The following EDA variants were observed in gnomAD, a reference collection of about 807,000 sequenced individuals.
EDA encodes ectodysplasin A.
In EDA, 2 loss-of-function variants were observed where a neutral mutation model predicts 23.6. The observed-to-expected ratio is 0.08, with a 90% CI of 0.03 to 0.27. The LOEUF is 0.27. Ranked by LOEUF, EDA falls within the 10% of genes least tolerant of loss-of-function variation. EDA has a pLI of 1.00. For missense variants in EDA, 229 were observed against 324.2 expected, an observed-to-expected ratio of 0.71 and a Z score of 2.26; for synonymous variants, 131 against 132.0, an observed-to-expected ratio of 0.99 and a Z score of 0.05.
intron 1 of EDA, among the ~76,000 whole-genome samples, chrX:69,766,326 G>A (rs2014468886): frequency 9.1e-6 from 1 of 110,415 alleles, no homozygotes; most frequent in South Asian, 3.9e-4. Context: ...ACATATGCAG[G>A]TTTGTTATAT....
chrX:69,796,132 A>G (rs1291740063), intron 1 of EDA, among the ~76,000 whole-genome samples: 1 of 111,878 alleles, frequency 8.9e-6, no homozygotes, highest in Non-Finnish European at 1.9e-5. Flanking sequence ...ATTGCTCTAG[A>G]CCCAGAGGGT....
intron 1 of EDA, among the ~76,000 whole-genome samples, chrX:69,663,342 C>T (rs1933575458): frequency 1.8e-5 from 2 of 112,244 alleles, no homozygotes; most frequent in African/African-American, 6.5e-5. Context: ...GTCCCAGCTG[C>T]TTCAGCTGTG....
At chrX:69,693,519 A>T (rs1198975717) in intron 1 of EDA, among the ~76,000 whole-genome samples, 2 of 111,609 alleles carry the variant, frequency 1.8e-5, no homozygotes, top group Non-Finnish European at 3.8e-5. Context: ...CTCTGACACA[A>T]TACCTCTGAT....
chrX:69,938,362 T>C (rs1339320040), intron 1 of EDA, among the ~76,000 whole-genome samples: 3 of 112,497 alleles, frequency 2.7e-5, no homozygotes, highest in Non-Finnish European at 5.6e-5. Flanking sequence ...TGATAGATGA[T>C]GTTGAGTACC....
At chrX:69,696,363 A>G (rs2011346331) in intron 1 of EDA, among the ~76,000 whole-genome samples, 2 of 111,989 alleles carry the variant, frequency 1.8e-5, no homozygotes, top group Non-Finnish European at 1.9e-5. Context: ...AAAACTTGTG[A>G]ATAATTTCCT....
chrX:69,639,592 C>T (rs1932817477), intron 1 of EDA, among the ~76,000 whole-genome samples: 1 of 111,406 alleles, frequency 9.0e-6, no homozygotes, highest in East Asian at 2.8e-4. Flanking sequence ...AGTCCTTTGT[C>T]CATTTTTTAA....
At chrX:70,027,830 AAAGT>A in intron 3 of EDA, 23 bp from the exon 4 acceptor site, 1 of 700,125 alleles carries the variant, frequency 1.4e-6, no homozygotes, top group Non-Finnish European at 2.2e-6. Flanking sequence ...CTCAAAAAAA[AAAGT>A]AACACTGAAT....
intron 1 of EDA, among the ~76,000 whole-genome samples, chrX:69,816,727 G>T (rs1157569380): frequency 1.8e-5 from 2 of 110,415 alleles, no homozygotes; most frequent in African/African-American, 6.6e-5. Context: ...ATGACTGATT[G>T]GGGTACCTGA....
chrX:69,938,233 C>T (rs946169544), intron 1 of EDA, among the ~76,000 whole-genome samples: 7 of 110,980 alleles, frequency 6.3e-5, no homozygotes, highest in Admixed American at 2.9e-4. Context: ...TGCACCACAC[C>T]GTGGTGCGCT....
At chrX:69,718,815 A>C (rs2012453223) in intron 1 of EDA, among the ~76,000 whole-genome samples, 1 of 111,598 alleles carries the variant, frequency 9.0e-6, no homozygotes, top group African/African-American at 3.2e-5. Context: ...TACCCTTATA[A>C]AATGAGTTAG....
At chrX:69,701,984 G>T (rs2011546730) in intron 1 of EDA, among the ~76,000 whole-genome samples, 1 of 111,089 alleles carries the variant, frequency 9.0e-6, no homozygotes, top group Admixed American at 9.5e-5. Context: ...CGGTCTTCTG[G>T]GGTGAGGGTG....
At chrX:70,020,495 T>C (rs1326356642) in intron 2 of EDA, among the ~76,000 whole-genome samples, 1 of 109,383 alleles carries the variant, frequency 9.1e-6, no homozygotes, top group Non-Finnish European at 1.9e-5. Flanking sequence ...GGAGGCAGAG[T>C]TTGCAGTGAG....
intron 1 of EDA, among the ~76,000 whole-genome samples, chrX:69,620,170 G>A (rs763836247): frequency 8.9e-6 from 1 of 112,164 alleles, no homozygotes; most frequent in East Asian, 2.8e-4. Context: ...TAGAAAGCCT[G>A]CTGTGCCAGA....
At position 69,829,661 on chromosome X, in the gene EDA, CATT is replaced by C. The variant is rs200855847; in HGVS notation, c.397-127363_397-127361del. Among the ~76,000 whole-genome samples the C allele has an allele frequency of 1.3e-3, 149 of 111,910 alleles. 3 individuals are homozygous for C. The East Asian group carries it at 0.037, about 28-fold the overall frequency. On this transcript the variant is annotated intron_variant, in intron 1 of 7. Transcript: ENST00000374552. ...GGATCAGAAATGGAATCACCTGAGA[CATT>C]ATGGTAGCACCTGCTTCTGAAACCA...
intron 1 of EDA, among the ~76,000 whole-genome samples, chrX:69,844,928 ATTTG>A (rs1453472523): frequency 2.6e-4 from 29 of 112,172 alleles, no homozygotes; most frequent in African/African-American, 8.4e-4. Flanking sequence ...TCAGGCTTAA[ATTTG>A]ATTCTTGTGG....
chrX:69,723,189 C>T (rs2012656116), intron 1 of EDA, among the ~76,000 whole-genome samples: 1 of 111,991 alleles, frequency 8.9e-6, no homozygotes, highest in African/African-American at 3.2e-5. Context: ...TGATGGTCCT[C>T]TTACTGAGTA....
intron 1 of EDA, among the ~76,000 whole-genome samples, chrX:69,681,046 G>T (rs1934326332): frequency 9.1e-6 from 1 of 109,866 alleles, no homozygotes; most frequent in Non-Finnish European, 1.9e-5. Flanking sequence ...GCATTTGCTT[G>T]TGTGTAAAGT....
intron 1 of EDA, among the ~76,000 whole-genome samples, chrX:69,699,417 G>C (rs1023437753): frequency 9.0e-6 from 1 of 111,206 alleles, no homozygotes; most frequent in Non-Finnish European, 1.9e-5. Context: ...TGGTGATGTG[G>C]GGAGTTTCTA....
intron 1 of EDA, among the ~76,000 whole-genome samples, chrX:69,954,847 AGT>A (rs2018976848): frequency 9.0e-6 from 1 of 111,653 alleles, no homozygotes; most frequent in Non-Finnish European, 1.9e-5. Context: ...AATAGGCTCC[AGT>A]GTGTGTTGTC....
Sources: allele counts gnomAD v4.1 joint callset (sites outside exome capture counted in the v4.1 genomes callset), GRCh38; gene constraint gnomAD v4.1.1; transcripts MANE v1.5; gene names NCBI Gene and HGNC (gene_info 2026-07-23, HGNC 2026-07-21).